RAI14: variants seen among roughly 807,000 people sequenced by gnomAD.
RAI14 encodes the protein retinoic acid induced 14, also known as ankycorbin.
In RAI14, 45 loss-of-function variants were observed where a neutral mutation model predicts 115.4. The observed-to-expected ratio is 0.39, with a 90% CI of 0.31 to 0.50. The LOEUF (loss-of-function observed/expected upper bound fraction) is 0.50. Among genes scored for constraint, RAI14 ranks in the 20% least tolerant of loss-of-function variants. The pLI, the probability that RAI14 is intolerant of heterozygous loss-of-function variation, is 0.85. For synonymous variants in RAI14, 371 were observed against 415.4 expected, an observed-to-expected ratio of 0.89 and a Z score of 1.30; for missense variants, 939 against 1,131.2, an observed-to-expected ratio of 0.83 and a Z score of 2.44.
At chr5:34,690,397 G>A (rs941834501) in intron 2 of RAI14, among the ~76,000 whole-genome samples, 3 of 152,182 alleles carry the variant, frequency 2.0e-5, no homozygotes, top group Admixed American at 6.5e-5. Context: ...AAGAAGACAG[G>A]TGACCCACTG....
intron 3 of RAI14, chr5:34,757,815 C>T (rs1748098980): frequency 2.6e-6 from 1 of 388,652 alleles, no homozygotes; most frequent in South Asian, 8.7e-5. Context: ...CAAGTATAAG[C>T]AAAGGTTTTA....
intron 1 of RAI14, among the ~76,000 whole-genome samples, chr5:34,671,432 T>C (rs996412296): frequency 2.0e-5 from 3 of 152,200 alleles, no homozygotes; most frequent in Admixed American, 2.0e-4. Context: ...TTAGACTTGT[T>C]TTGTGATCTT....
At chr5:34,662,465 T>C (rs1428625198) in intron 1 of RAI14, among the ~76,000 whole-genome samples, 2 of 152,160 alleles carry the variant, frequency 1.3e-5, no homozygotes. Flanking sequence ...GGATGCATTT[T>C]ATATGGTGAT....
intron 2 of RAI14, among the ~76,000 whole-genome samples, chr5:34,695,764 CAGAA>C (rs1335558477): frequency 6.7e-6 from 1 of 150,028 alleles, no homozygotes; most frequent in Admixed American, 6.6e-5. Context: ...CTCTAAGAAC[CAGAA>C]AGAAGGAAAG....
chr5:34,692,360 A>G (rs868132475), intron 2 of RAI14, among the ~76,000 whole-genome samples: 2 of 152,196 alleles, frequency 1.3e-5, no homozygotes, highest in East Asian at 1.9e-4. Flanking sequence ...GTCATTTATA[A>G]TAAGTTTTTA....
At chr5:34,818,098 C>T (rs1756459168) in intron 12 of RAI14, among the ~76,000 whole-genome samples, 1 of 152,192 alleles carries the variant, frequency 6.6e-6, no homozygotes, top group Non-Finnish European at 1.5e-5. Context: ...AAAGGTATCT[C>T]TGCTGAAAAA....
At chr5:34,821,430 C>G (rs1448943882) in intron 13 of RAI14, among the ~76,000 whole-genome samples, 1 of 151,732 alleles carries the variant, frequency 6.6e-6, no homozygotes, top group African/African-American at 2.4e-5. Flanking sequence ...AGGGAAGAAC[C>G]AAAAACAACC....
intron 2 of RAI14, among the ~76,000 whole-genome samples, chr5:34,756,889 C>T (rs1429097084): frequency 2.0e-5 from 3 of 152,196 alleles, no homozygotes; most frequent in African/African-American, 7.2e-5. Flanking sequence ...AGAGCTTGCT[C>T]AGGAAGAAGT....
chr5:34,828,334 G>C (rs1757652587), intron 16 of RAI14, among the ~76,000 whole-genome samples: 1 of 152,100 alleles, frequency 6.6e-6, no homozygotes, highest in South Asian at 2.1e-4. Flanking sequence ...CTGAAGTTGA[G>C]GAACTGAGAG....
intron 1 of RAI14, among the ~76,000 whole-genome samples, chr5:34,670,015 A>T (rs914268614): frequency 1.9e-4 from 29 of 152,224 alleles, no homozygotes; most frequent in African/African-American, 6.5e-4. Flanking sequence ...TATGCTCTAC[A>T]TGTGAGAACA....
intron 2 of RAI14, among the ~76,000 whole-genome samples, chr5:34,746,925 C>T (rs559195817): frequency 5.4e-4 from 82 of 152,244 alleles, no homozygotes; most frequent in African/African-American, 1.9e-3. Context: ...GTAAGTCTCA[C>T]GAGATCTAAT....
chr5:34,688,178 A>G, intron 2 of RAI14: 1 of 1,548,742 alleles, frequency 6.5e-7, no homozygotes, highest in Non-Finnish European at 8.7e-7. Flanking sequence ...ACCTCCTTCA[A>G]CCTCATCGTC....
intron 2 of RAI14, among the ~76,000 whole-genome samples, chr5:34,715,253 A>G (rs1016791438): frequency 2.0e-5 from 3 of 152,092 alleles, no homozygotes; most frequent in African/African-American, 7.2e-5. Flanking sequence ...CCGTTTTTAT[A>G]CCAAATGTGG....
chr5:34,803,563 C>CA (rs1351478598), intron 4 of RAI14, 149 bp from the exon 5 acceptor site: 44 of 651,238 alleles, frequency 6.8e-5, no homozygotes, highest in African/African-American at 4.3e-4. Flanking sequence ...TCTCAAAAAA[C>CA]AAAAAAACAA....
At chr5:34,768,129 C>T (rs1281518990) in intron 3 of RAI14, among the ~76,000 whole-genome samples, 2 of 151,740 alleles carry the variant, frequency 1.3e-5, no homozygotes, top group African/African-American at 2.4e-5. Flanking sequence ...GCCACAGGGG[C>T]GGAGCTGCAC....
chr5:34,797,985 C>T (rs1374970978), intron 4 of RAI14, among the ~76,000 whole-genome samples: 1 of 152,186 alleles, frequency 6.6e-6, no homozygotes, highest in African/African-American at 2.4e-5. Flanking sequence ...AAAATCTTCC[C>T]TCACGTCTTT....
chr5:34,822,938 C>A lies in RAI14; in HGVS notation c.1114-18C>A, dbSNP rs778851308. ...TCCTGACCTTTGATATCATTTAATTCTTGCTTTTTTTTCCTAGGCCAAATC... is the reference window on the plus strand; with the variant it reads ...TCCTGACCTTTGATATCATTTAATTATTGCTTTTTTTTCCTAGGCCAAATC... On this transcript the variant is annotated intron_variant, in intron 14 of 17. Transcript: ENST00000265109. The A allele has an allele frequency of 6.3e-6, 10 of 1,584,728 alleles. No homozygotes were observed. In the African/African-American group the frequency reaches 6.8e-5, roughly 11 times the overall value.
intron 2 of RAI14, among the ~76,000 whole-genome samples, chr5:34,736,248 A>C (rs934647498): frequency 6.6e-6 from 1 of 152,162 alleles, no homozygotes; most frequent in Non-Finnish European, 1.5e-5. Context: ...TAAAACTACA[A>C]AAATTAGCTG....
At chr5:34,697,858 A>G (rs1739462383) in intron 2 of RAI14, among the ~76,000 whole-genome samples, 1 of 152,172 alleles carries the variant, frequency 6.6e-6, no homozygotes, top group African/African-American at 2.4e-5. Flanking sequence ...TAGGCCTAGA[A>G]TTCTGAGCAA....
Sources: gnomAD v4.1 joint callset for allele counts (sites outside exome capture counted in the v4.1 genomes callset) on GRCh38, gnomAD v4.1.1 for gene constraint, MANE v1.5 for transcripts, NCBI Gene and HGNC (gene_info 2026-07-23, HGNC 2026-07-21) for gene names.